EFR3B: variants seen among roughly 807,000 people sequenced by gnomAD.
The protein encoded by EFR3B is protein EFR3 homolog B.
A neutral mutation model predicts 104.7 loss-of-function variants in EFR3B; 64 were observed. That is an observed-to-expected ratio of 0.61 (90% confidence interval 0.50 to 0.75). The LOEUF (loss-of-function observed/expected upper bound fraction) is 0.75. Among genes scored for constraint, EFR3B ranks in the 30% least tolerant of loss-of-function variants. The pLI is 0.00. For missense variants in EFR3B, 750 were observed against 1,078.5 expected (o/e 0.70, Z 4.27); for synonymous variants, 385 against 417.9 (o/e 0.92, Z 0.96).
intron 1 of EFR3B, among the ~76,000 whole-genome samples, chr2:25,086,215 G>A (rs1447271418): frequency 6.6e-6 from 1 of 152,192 alleles, no homozygotes; most frequent in Non-Finnish European, 1.5e-5. Context: ...ACATAAAGCT[G>A]CGGTAAACAT....
chr2:25,127,512 T>G (rs1346628753), intron 5 of EFR3B, among the ~76,000 whole-genome samples: 2 of 152,180 alleles, frequency 1.3e-5, no homozygotes, highest in Non-Finnish European at 2.9e-5. Context: ...TCTCTATACT[T>G]TTCTATGATT....
intron 4 of EFR3B, 53 bp downstream of exon 4, chr2:25,103,840 G>T (rs1669491904): frequency 2.6e-6 from 4 of 1,546,106 alleles, no homozygotes; most frequent in Non-Finnish European, 2.6e-6. Flanking sequence ...CTGGGGGGTG[G>T]CAGGGGAGAG....
chr2:25,093,427 G>A (rs1027839242), intron 3 of EFR3B, among the ~76,000 whole-genome samples: 13 of 152,014 alleles, frequency 8.6e-5, no homozygotes, highest in African/African-American at 2.9e-4. Context: ...CCAGAAGGTC[G>A]AGGCTGCAGG....
At chr2:25,133,279 C>A in intron 11 of EFR3B, 104 bp from the exon 12 acceptor site, 3 of 1,279,200 alleles carry the variant, frequency 2.3e-6, no homozygotes, top group Admixed American at 2.0e-5. Context: ...TAACCCAACA[C>A]GATAAGCCTC....
At chr2:25,061,947 A>G (rs1273435584) in intron 1 of EFR3B, among the ~76,000 whole-genome samples, 1 of 152,142 alleles carries the variant, frequency 6.6e-6, no homozygotes, top group East Asian at 1.9e-4. Flanking sequence ...TTTTCTTTTA[A>G]TTTATTTTTA....
At chr2:25,109,906 A>G (rs908887966) in intron 4 of EFR3B, among the ~76,000 whole-genome samples, 1 of 152,210 alleles carries the variant, frequency 6.6e-6, no homozygotes, top group African/African-American at 2.4e-5. Context: ...CCCAGAGTCA[A>G]TGGCACACAG....
rs1170505822 is a variant in EFR3B at position 25,128,960 on chromosome 2, C to CAAAAAAAAAAAAA, written c.635+657_635+669dup. Among the ~76,000 whole-genome samples, 2 of 26,688 alleles carry CAAAAAAAAAAAAA rather than the reference C, an allele frequency of 7.5e-5. 1 individual carries two copies. Among genetic ancestry groups the CAAAAAAAAAAAAA allele is most frequent in the Non-Finnish European group, 1.4e-4 (2 of 14,532 alleles). The allele number at this position is 26,688 out of a possible 152,430, so 17.5% of individuals were successfully genotyped here. On this transcript the variant is annotated intron_variant, in intron 6 of 22. Coordinates refer to ENST00000403714, the MANE Select transcript of EFR3B (RefSeq NM_014971.2). ...TGGGCGACGGAGCGAGACTCCGTCT[C>CAAAAAAAAAAAAA]AAAAAAAAAAAAAAAAAAAAAAAAA...
chr2:25,092,425 T>C (rs62143005), intron 2 of EFR3B, among the ~76,000 whole-genome samples: 1 of 78,780 alleles, frequency 1.3e-5, no homozygotes, highest in African/African-American at 3.1e-5. Flanking sequence ...CACACACACT[T>C]ACACACACAC....
intron 4 of EFR3B, among the ~76,000 whole-genome samples, chr2:25,117,216 C>T (rs557888240): frequency 6.6e-6 from 1 of 152,238 alleles, no homozygotes; most frequent in South Asian, 2.1e-4. Flanking sequence ...GGCTCCCAGG[C>T]GTGGCTTCCC....
intron 19 of EFR3B, chr2:25,145,288 CT>C (rs1670784567): frequency 1.8e-6 from 1 of 553,990 alleles, no homozygotes; most frequent in Non-Finnish European, 3.2e-6. Context: ...CTTGAAAGGC[CT>C]GGCTGGGGAT....
intron 3 of EFR3B, among the ~76,000 whole-genome samples, chr2:25,097,307 T>A: frequency 6.6e-6 from 1 of 152,212 alleles, no homozygotes; most frequent in East Asian, 1.9e-4. Context: ...TTAGATTTGA[T>A]CTCTTATTCT....
At chr2:25,142,817 G>A (rs959046220) in intron 17 of EFR3B, among the ~76,000 whole-genome samples, 9 of 151,284 alleles carry the variant, frequency 5.9e-5, no homozygotes, top group Admixed American at 1.3e-4. Flanking sequence ...ATGGTGGAGC[G>A]TACCTGTTGG....
In EFR3B at chr2:25,139,230, C is replaced by T. The variant is rs543428173; in HGVS notation, c.1854+40C>T. On this transcript the variant is annotated intron_variant, in intron 16 of 22. Transcript: ENST00000403714. ...GACCAAGAGCTCAGGGGGCCCTCAA[C>T]TTGGGGTTTCCTGGGAACAGCTTTT... 52 of 1,537,964 alleles carry T rather than the reference C, an allele frequency of 3.4e-5. No individual in the cohort carries two copies. In the Admixed American group the frequency reaches 1.0e-3, roughly 31 times the overall value.
intron 19 of EFR3B, chr2:25,146,054 C>A (rs1670804242): frequency 6.6e-6 from 1 of 150,476 alleles, no homozygotes; most frequent in Admixed American, 6.7e-5. Context: ...ACCTCTTCAT[C>A]TCTCCCCTAA....
chr2:25,043,698 C>T (rs965243859), intron 1 of EFR3B, among the ~76,000 whole-genome samples: 4 of 152,094 alleles, frequency 2.6e-5, no homozygotes, highest in Non-Finnish European at 5.9e-5. Context: ...GGTAAAAAGG[C>T]GGTTATGCTT....
intron 1 of EFR3B, among the ~76,000 whole-genome samples, chr2:25,056,435 G>GC (rs1668024150): frequency 1.4e-5 from 1 of 71,902 alleles, no homozygotes; most frequent in African/African-American, 5.3e-5. Flanking sequence ...TATTACTTGT[G>GC]CTTTTTTTTT....
intron 15 of EFR3B, among the ~76,000 whole-genome samples, chr2:25,138,839 A>T (rs1670587269): frequency 6.6e-6 from 1 of 152,188 alleles, no homozygotes; most frequent in African/African-American, 2.4e-5. Flanking sequence ...GTGAGTACTC[A>T]AGAGCCTCCC....
At chr2:25,092,224 A>G (rs1669145409) in intron 2 of EFR3B, among the ~76,000 whole-genome samples, 1 of 151,560 alleles carries the variant, frequency 6.6e-6, no homozygotes. Flanking sequence ...ACGTGCCACC[A>G]TGCCCAGCTA....
intron 16 of EFR3B, among the ~76,000 whole-genome samples, chr2:25,140,954 T>G (rs906751217): frequency 1.3e-4 from 20 of 151,320 alleles, no homozygotes; most frequent in African/African-American, 4.6e-4. Context: ...GGCAGGAGAA[T>G]TGCTTGAAAC....
Sources: allele counts gnomAD v4.1 joint callset (sites outside exome capture counted in the v4.1 genomes callset), GRCh38; gene constraint gnomAD v4.1.1; transcripts MANE v1.5; gene names NCBI Gene and HGNC (gene_info 2026-07-23, HGNC 2026-07-21).